YEATS2: variants seen among roughly 807,000 people sequenced by gnomAD.
YEATS2 encodes YEATS domain containing 2.
In YEATS2, 77 loss-of-function variants were observed where a neutral mutation model predicts 163.2. The ratio of observed to expected loss-of-function variants is 0.47; its 90% confidence interval spans 0.39 to 0.57. The LOEUF is 0.57. Ranked by LOEUF, YEATS2 falls within the 20% of genes least tolerant of loss-of-function variation. The pLI is 0.00. For missense variants in YEATS2, 1,549 were observed against 1,729.8 expected (o/e 0.90, Z 1.85); for synonymous variants, 631 against 645.1 (o/e 0.98, Z 0.33).
chr3:183,782,458 G>A (rs577415772), intron 19 of YEATS2, among the ~76,000 whole-genome samples: 9 of 147,854 alleles, frequency 6.1e-5, no homozygotes, highest in Admixed American at 1.3e-4. Flanking sequence ...CGTCTCGCTC[G>A]TGTCCCCCAG....
Position 183,709,801 on chromosome 3 carries a change from C to T in YEATS2, c.-19-5343C>T, listed in dbSNP as rs373582738. On this transcript the variant is annotated intron_variant, in intron 1 of 30. Transcript: ENST00000305135. ...CACGCCATTCTCCTGCCTTAGCCTC[C>T]GGAGTAGCTAGGACTACAGGTGCCC... Among the ~76,000 whole-genome samples the T allele has an allele frequency of 1.1e-4, 17 of 151,870 alleles. No homozygotes were observed. The East Asian group carries it at 2.3e-3, about 21-fold the overall frequency.
At chr3:183,796,059 T>G (rs1725120508) in intron 21 of YEATS2, among the ~76,000 whole-genome samples, 1 of 149,628 alleles carries the variant, frequency 6.7e-6, no homozygotes, top group South Asian at 2.2e-4. Context: ...CTCGGCCTAC[T>G]GAAACCTCCG....
chr3:183,755,587 T>C (rs551565501), intron 11 of YEATS2, among the ~76,000 whole-genome samples: 2 of 152,246 alleles, frequency 1.3e-5, no homozygotes, highest in South Asian at 4.1e-4. Context: ...TTGAGAGTAT[T>C]TTGCGGGAAC....
chr3:183,801,821 G>A (rs1023408111), intron 25 of YEATS2: 2 of 253,796 alleles, frequency 7.9e-6, no homozygotes, highest in East Asian at 2.1e-4. Context: ...GTGTTTATGA[G>A]TGAGGAAAGC....
intron 21 of YEATS2, among the ~76,000 whole-genome samples, chr3:183,793,944 T>C (rs1184922444): frequency 6.6e-6 from 1 of 152,174 alleles, no homozygotes; most frequent in Non-Finnish European, 1.5e-5. Context: ...AACTATTTCC[T>C]ACTTAAAACC....
chr3:183,738,579 A>G (rs1718615435), intron 8 of YEATS2, among the ~76,000 whole-genome samples: 1 of 120,632 alleles, frequency 8.3e-6, no homozygotes, highest in African/African-American at 3.2e-5. Flanking sequence ...CAGTCCCCAG[A>G]GTGTGGTATT....
intron 9 of YEATS2, among the ~76,000 whole-genome samples, chr3:183,750,910 ACT>A (rs1309888673): frequency 6.6e-6 from 1 of 151,450 alleles, no homozygotes; most frequent in Non-Finnish European, 1.5e-5. Flanking sequence ...TTGCCTTTTC[ACT>A]CTGTTGATTG....
chr3:183,778,658 T>G (rs1723256194), intron 19 of YEATS2, among the ~76,000 whole-genome samples: 1 of 152,096 alleles, frequency 6.6e-6, no homozygotes, highest in Non-Finnish European at 1.5e-5. Flanking sequence ...TGGCCTTGTT[T>G]AGAGTTTTTG....
rs538820811 is a variant in YEATS2 at position 183,745,293 on chromosome 3, G to A, written c.925-2379G>A. Among the ~76,000 whole-genome samples, 8 of 152,296 alleles carry A rather than the reference G, an allele frequency of 5.3e-5. No individual in the cohort carries two copies. In the East Asian group the frequency reaches 1.5e-3, roughly 29 times the overall value. On this transcript the variant is annotated intron_variant, in intron 8 of 30. Coordinates refer to ENST00000305135, the MANE Select transcript of YEATS2 (RefSeq NM_018023.5). ...CAGAACCTTTCTGCTATCCCTTTCAGAAAACTTGGTTGAATTCCTGTTAAA... is the reference window on the plus strand; with the variant it reads ...CAGAACCTTTCTGCTATCCCTTTCAAAAAACTTGGTTGAATTCCTGTTAAA...
intron 22 of YEATS2, 53 bp downstream of exon 22, chr3:183,798,104 C>T (rs900320248): frequency 5.2e-5 from 83 of 1,604,636 alleles, no homozygotes; most frequent in East Asian, 2.0e-4. Flanking sequence ...CACATCTCCC[C>T]GCATTTACCA....
At chr3:183,779,667 CAG>C (rs1228319986) in intron 19 of YEATS2, among the ~76,000 whole-genome samples, 4 of 152,038 alleles carry the variant, frequency 2.6e-5, no homozygotes, top group Admixed American at 6.6e-5. Flanking sequence ...TTTAACTTGA[CAG>C]AGAAAACTTT....
At chr3:183,796,598 C>T (rs150834742) in intron 21 of YEATS2, among the ~76,000 whole-genome samples, 332 of 149,838 alleles carry the variant, frequency 2.2e-3, no homozygotes, top group African/African-American at 7.7e-3. Flanking sequence ...GAAAGAGATG[C>T]GCATACATTG....
chr3:183,714,662 G>C (rs1715645508), intron 1 of YEATS2, among the ~76,000 whole-genome samples: 2 of 152,150 alleles, frequency 1.3e-5, no homozygotes, highest in South Asian at 4.1e-4. Flanking sequence ...GAAAGGATCT[G>C]TATAATCAAT....
chr3:183,795,202 T>A (rs189714), intron 21 of YEATS2, among the ~76,000 whole-genome samples: 72,705 of 149,190 alleles, frequency 0.49, 18,121 homozygotes, highest in Middle Eastern at 0.63. Context: ...AAAAAAAGAA[T>A]AAACCATCTA....
At position 183,762,083 on chromosome 3, in the gene YEATS2, ATGTT is replaced by A; in HGVS notation, c.1765-9_1765-6del. On this transcript the variant is annotated splice_polypyrimidine_tract_variant and intron_variant, in intron 14 of 30. Coordinates refer to ENST00000305135, the MANE Select transcript of YEATS2 (RefSeq NM_018023.5). ...TTATGGATGTTTATTCAGTGTCATT[ATGTT>A]TGTTGCAAGGTGATCATCAAACAGG... 6.2e-7 allele frequency: 1 copy of A among 1,614,064 alleles called. No individual in the cohort carries two copies. Among genetic ancestry groups the A allele is most frequent in the Non-Finnish European group, 8.5e-7 (1 of 1,179,964 alleles).
intron 8 of YEATS2, among the ~76,000 whole-genome samples, chr3:183,746,358 G>C (rs772407394): frequency 1.3e-5 from 2 of 152,188 alleles, no homozygotes; most frequent in African/African-American, 4.8e-5. Flanking sequence ...CTGGCCTCAG[G>C]CTGTTGATTT....
Position 183,812,375 on chromosome 3 carries a change from G to A in YEATS2, c.*1792G>A, listed in dbSNP as rs1560349814. ...CTATACCTGAACTGCTATAAGCAAG[G>A]TCGATAGGGAAGTGGATAGATTGCT... On this transcript the variant is annotated 3_prime_UTR_variant, in exon 31 of 31. Coordinates refer to ENST00000305135, the MANE Select transcript of YEATS2 (RefSeq NM_018023.5). 2 of 152,522 alleles carry A rather than the reference G, an allele frequency of 1.3e-5. No individual in the cohort carries two copies. The highest frequency in any genetic ancestry group is 6.5e-5 in the Admixed American group (1 of 15,306). The allele number at this position is 152,522 out of a possible 1,614,324, so 9.4% of individuals were successfully genotyped here. A position where few individuals can be genotyped will look rare whatever the true frequency, so the allele number is the denominator to read the frequency against.
chr3:183,762,076 T>C, intron 14 of YEATS2, 21 bp from the exon 15 acceptor site: 3 of 1,614,024 alleles, frequency 1.9e-6, no homozygotes, highest in Non-Finnish European at 2.5e-6. Flanking sequence ...GTTTATTCAG[T>C]GTCATTATGT....
At chr3:183,702,173 G>A (rs901131485) in intron 1 of YEATS2, among the ~76,000 whole-genome samples, 2 of 152,156 alleles carry the variant, frequency 1.3e-5, no homozygotes, top group Admixed American at 6.5e-5. Flanking sequence ...GGCCAGCCGC[G>A]GTGGCTCATA....
Sources: gnomAD v4.1 joint callset for allele counts (sites outside exome capture counted in the v4.1 genomes callset) on GRCh38, gnomAD v4.1.1 for gene constraint, MANE v1.5 for transcripts, NCBI Gene and HGNC (gene_info 2026-07-23, HGNC 2026-07-21) for gene names.